DAB1: variants seen among roughly 807,000 people sequenced by gnomAD.
DAB1 encodes disabled homolog 1.
Under a neutral mutation model 64.6 loss-of-function variants are expected in DAB1, and 15 were observed. The observed-to-expected ratio is 0.23, with a 90% CI of 0.16 to 0.36. DAB1 has a LOEUF of 0.36. Among genes scored for constraint, DAB1 ranks in the 10% least tolerant of loss-of-function variants. The pLI is 1.00. For synonymous variants in DAB1, 235 were observed against 251.9 expected (o/e 0.93, Z 0.64); for missense variants, 596 against 706.7 (o/e 0.84, Z 1.78).
At chr1:57,162,883 T>G (rs748055557) in intron 2 of DAB1, among the ~76,000 whole-genome samples, 2 of 152,198 alleles carry the variant, frequency 1.3e-5, no homozygotes, top group African/African-American at 2.4e-5. Flanking sequence ...ATAAATTACA[T>G]TTGATTAAAC....
intron 5 of DAB1, among the ~76,000 whole-genome samples, chr1:58,014,541 G>T (rs1265381916): frequency 2.0e-5 from 3 of 152,178 alleles, no homozygotes; most frequent in Non-Finnish European, 2.9e-5. Context: ...TGGGCCCTCG[G>T]TCTTCCACCA....
At chr1:57,399,455 A>C (rs1326784651) in intron 1 of DAB1, among the ~76,000 whole-genome samples, 1 of 152,216 alleles carries the variant, frequency 6.6e-6, no homozygotes, top group African/African-American at 2.4e-5. Context: ...GGCTTAAATC[A>C]TTTCTGAAGT....
intron 3 of DAB1, among the ~76,000 whole-genome samples, chr1:58,459,583 A>C (rs192048310): frequency 6.6e-6 from 1 of 152,382 alleles, no homozygotes; most frequent in East Asian, 1.9e-4. Context: ...AAAGAGAGGG[A>C]ACAAAAATAA....
intron 7 of DAB1, among the ~76,000 whole-genome samples, chr1:57,515,364 T>G (rs1197008912): frequency 6.6e-6 from 1 of 152,228 alleles, no homozygotes; most frequent in Admixed American, 6.5e-5. Flanking sequence ...ATTAGCTTAT[T>G]ACCATCATGG....
intron 6 of DAB1, among the ~76,000 whole-genome samples, chr1:57,656,440 A>G (rs1018965890): frequency 6.6e-6 from 1 of 152,238 alleles, no homozygotes; most frequent in Non-Finnish European, 1.5e-5. Context: ...TTTCATGGCA[A>G]TAACTGCAAT....
intron 1 of DAB1, among the ~76,000 whole-genome samples, chr1:57,319,759 G>A (rs1193549084): frequency 6.6e-6 from 1 of 152,042 alleles, no homozygotes; most frequent in Non-Finnish European, 1.5e-5. Context: ...ATAAACAGAG[G>A]GTAGGTGGGT....
Position 57,120,925 on chromosome 1 carries a change from T to C in DAB1, c.306+15618A>G, listed in dbSNP as rs554992261. On this transcript the variant is annotated intron_variant, in intron 4 of 14. Transcript: ENST00000371236. ...AGCACTATAACAAAAGTGGCTGGTG[T>C]GTGGAAGGACAAAAGAGAGATATCT... is the stretch of plus-strand genomic sequence containing the variant. 4.1e-4 allele frequency among the ~76,000 whole-genome samples: 63 copies of C among 152,104 alleles called. 1 individual carries two copies. Among genetic ancestry groups the C allele is most frequent in the African/African-American group, 1.5e-3 (62 of 41,482 alleles).
At chr1:57,424,835 C>G (rs1366934396), upstream of DAB1, among the ~76,000 whole-genome samples, 1 of 152,126 alleles carries the variant, frequency 6.6e-6, no homozygotes, top group Non-Finnish European at 1.5e-5. Flanking sequence ...TCAGGAGAGA[C>G]CCGTGCCCCT....
At chr1:57,042,830 C>T (rs1467127281) in intron 9 of DAB1, among the ~76,000 whole-genome samples, 1 of 151,888 alleles carries the variant, frequency 6.6e-6, no homozygotes. Flanking sequence ...CATGCATGCA[C>T]ACATACACAC....
At chr1:57,367,636 C>T (rs958159957) in intron 1 of DAB1, among the ~76,000 whole-genome samples, 3 of 152,194 alleles carry the variant, frequency 2.0e-5, no homozygotes, top group African/African-American at 4.8e-5. Flanking sequence ...GTTGCCATCA[C>T]GCTAGCTGCA....
At chr1:57,313,955 T>C (rs1674961918) in intron 1 of DAB1, among the ~76,000 whole-genome samples, 3 of 152,174 alleles carry the variant, frequency 2.0e-5, no homozygotes, top group Admixed American at 2.0e-4. Context: ...TCACAGACAC[T>C]GAATCTGCTG....
intron 6 of DAB1, among the ~76,000 whole-genome samples, chr1:57,678,860 G>A (rs1317869862): frequency 6.8e-6 from 1 of 148,000 alleles, no homozygotes; most frequent in Non-Finnish European, 1.5e-5. Flanking sequence ...TTCGCCTCCC[G>A]GGTTCACACC....
chr1:57,559,792 A>C (rs987658076), intron 7 of DAB1, among the ~76,000 whole-genome samples: 3 of 152,228 alleles, frequency 2.0e-5, no homozygotes, highest in Non-Finnish European at 4.4e-5. Flanking sequence ...GGAAAAGCCA[A>C]ATGGAAGCCA....
At chr1:58,008,444 A>G (rs1395300947) in intron 5 of DAB1, among the ~76,000 whole-genome samples, 1 of 152,170 alleles carries the variant, frequency 6.6e-6, no homozygotes, top group African/African-American at 2.4e-5. Context: ...AGAAGGAGGC[A>G]GGTGACCTAG....
intron 1 of DAB1, chr1:58,539,118 G>C (rs1646563474): frequency 1.0e-5 from 9 of 872,810 alleles, no homozygotes; most frequent in Admixed American, 1.7e-5. Flanking sequence ...AACTCCACCT[G>C]TCACACTGAT....
chr1:57,492,716 C>T (rs1644179032), intron 7 of DAB1, among the ~76,000 whole-genome samples: 1 of 152,182 alleles, frequency 6.6e-6, no homozygotes, highest in Non-Finnish European at 1.5e-5. Flanking sequence ...CCCTACTGGG[C>T]AAGTCGCTTT....
At chr1:57,702,289 T>G (rs2101732109) in intron 6 of DAB1, among the ~76,000 whole-genome samples, 1 of 152,256 alleles carries the variant, frequency 6.6e-6, no homozygotes, top group Middle Eastern at 3.4e-3. Flanking sequence ...TATTTCTTTT[T>G]TATTTTGGTG....
chr1:57,211,695 T>A (rs1666018568), intron 2 of DAB1, among the ~76,000 whole-genome samples: 1 of 152,194 alleles, frequency 6.6e-6, no homozygotes, highest in Non-Finnish European at 1.5e-5. Flanking sequence ...CAGTCAGCCC[T>A]CTGTAATCAC....
At chr1:57,539,228 C>T (rs1644766769) in intron 7 of DAB1, among the ~76,000 whole-genome samples, 1 of 152,110 alleles carries the variant, frequency 6.6e-6, no homozygotes, top group South Asian at 2.1e-4. Context: ...ATTTCATCAC[C>T]CCATTGTTGC....
Sources: gnomAD v4.1 joint callset for allele counts (sites outside exome capture counted in the v4.1 genomes callset) on GRCh38, gnomAD v4.1.1 for gene constraint, MANE v1.5 for transcripts, NCBI Gene and HGNC (gene_info 2026-07-23, HGNC 2026-07-21) for gene names.